HACD1: variants seen among roughly 807,000 people sequenced by gnomAD.
The protein encoded by HACD1 is 3-hydroxyacyl-CoA dehydratase 1.
Under a neutral mutation model 32.0 loss-of-function variants are expected in HACD1, and 41 were observed. The observed-to-expected ratio is 1.28, with a 90% CI of 1.00 to 1.66. The LOEUF (loss-of-function observed/expected upper bound fraction) is 1.66. Among genes scored for constraint, HACD1 ranks in the 40% most tolerant of loss-of-function variants. HACD1 has a pLI of 0.00. For missense variants in HACD1, 396 were observed against 380.1 expected, an observed-to-expected ratio of 1.04 and a Z score of -0.35; for synonymous variants, 142 against 139.0, an observed-to-expected ratio of 1.02 and a Z score of -0.15.
In HACD1 at chr10:17,594,242, A is replaced by G; in HGVS notation, c.747T>C (p.Tyr249=). The G allele has an allele frequency of 1.3e-6, 2 of 1,586,874 alleles. No individual in the cohort carries two copies. The highest frequency in any genetic ancestry group is 2.3e-5 in the South Asian group (2 of 86,602). Residue 249 remains tyrosine, a synonymous_variant, in exon 6 of 7, where the codon TAT becomes TAC. Coordinates refer to ENST00000361271, the MANE Select transcript of HACD1 (RefSeq NM_014241.4). ...PNKYNVSFDY[Y]YFLLITMASY... ...ATGCCATGGTTATAAGAAGAAAATA[A>G]TAGTAGTCAAAAGAGACATTGTATT...
At chr10:17,610,958 C>G (rs1273611037) in intron 1 of HACD1, among the ~76,000 whole-genome samples, 1 of 151,604 alleles carries the variant, frequency 6.6e-6, no homozygotes, top group African/African-American at 2.4e-5. Context: ...CCCAAGCTAC[C>G]TGTCCGCCTT....
chr10:17,613,108 G>C (rs1217174772), intron 1 of HACD1, among the ~76,000 whole-genome samples: 1 of 113,820 alleles, frequency 8.8e-6, no homozygotes, highest in Non-Finnish European at 1.8e-5. Context: ...GTGTGTGTGT[G>C]TGTGTGTGTG....
At position 17,603,611 on chromosome 10, in the gene HACD1, T is replaced by G; in HGVS notation, c.432A>C (p.Gln144His). 1 of 1,613,762 alleles carries G rather than the reference T, an allele frequency of 6.2e-7. No individual in the cohort carries two copies. Among genetic ancestry groups the G allele is most frequent in the Non-Finnish European group, 8.5e-7 (1 of 1,179,732 alleles). ...VPTSVIVTGV[Q>H]VSSRIFMVWL... ...ACACCATAAAGATTCTTGAACTCACTTGGACCCCAGTCACAATCACAGAAG... is the reference window on the plus strand; with the variant it reads ...ACACCATAAAGATTCTTGAACTCACGTGGACCCCAGTCACAATCACAGAAG... Residue 144 changes from glutamine (Q) to histidine (H), a missense_variant, in exon 4 of 7, where the codon CAA becomes CAC. Transcript: ENST00000361271.
intron 1 of HACD1, among the ~76,000 whole-genome samples, chr10:17,610,675 A>G (rs1834220738): frequency 6.6e-6 from 1 of 152,154 alleles, no homozygotes; most frequent in Non-Finnish European, 1.5e-5. Flanking sequence ...CACTAGGAAT[A>G]AAAATGAACA....
intron 6 of HACD1, among the ~76,000 whole-genome samples, chr10:17,593,570 C>T (rs1171630220): frequency 6.6e-6 from 1 of 152,216 alleles, no homozygotes; most frequent in Non-Finnish European, 1.5e-5. Flanking sequence ...CTGCCTCGGC[C>T]TCCCAAAGTG....
Position 17,616,827 on chromosome 10 carries a change from T to G in HACD1, c.257+256A>C, listed in dbSNP as rs1262014730. 1.3e-5 allele frequency among the ~76,000 whole-genome samples: 2 copies of G among 152,086 alleles called. 1 individual carries two copies. The highest frequency in any genetic ancestry group is 3.9e-4 in the East Asian group (2 of 5,138). On this transcript the variant is annotated intron_variant, in intron 1 of 6. Coordinates refer to ENST00000361271, the MANE Select transcript of HACD1 (RefSeq NM_014241.4). Reference sequence around the variant, plus strand: ...ACCTCCCCCGCGGGCCGGCACCGCATTCCTGCCCGGTTCTATACTTAACCT... The same window carrying G: ...ACCTCCCCCGCGGGCCGGCACCGCAGTCCTGCCCGGTTCTATACTTAACCT...
At chr10:17,611,001 T>C (rs1834226958) in intron 1 of HACD1, among the ~76,000 whole-genome samples, 2 of 33,010 alleles carry the variant, frequency 6.1e-5, no homozygotes, top group African/African-American at 3.3e-4. Flanking sequence ...GTCCTCTTCT[T>C]TTTTTTTTTT....
intron 1 of HACD1, among the ~76,000 whole-genome samples, chr10:17,609,344 G>C (rs1259063861): frequency 2.0e-5 from 3 of 151,794 alleles, no homozygotes; most frequent in African/African-American, 2.4e-5. Flanking sequence ...TAATAGAAAT[G>C]GGGTTTCACC....
chr10:17,589,268 TATC>T lies in HACD1; in HGVS notation c.*1093_*1095del, dbSNP rs553481057. ...GCATGATCATCTTCCTCATCATCGT[TATC>T]ATCATCATCATCATCATCACTATTT... On this transcript the variant is annotated 3_prime_UTR_variant, in exon 7 of 7. Transcript: ENST00000361271. The T allele has an allele frequency of 1.9e-4, 29 of 152,324 alleles. No individual in the cohort carries two copies. The highest frequency in any genetic ancestry group is 3.4e-4 in the African/African-American group (14 of 41,496). The allele number at this position is 152,324 out of a possible 1,614,324, so 9.4% of individuals were successfully genotyped here.
rs1037124438 is a variant in HACD1 at position 17,604,136 on chromosome 10, G to A, written c.258-89C>T. On this transcript the variant is annotated intron_variant, in intron 1 of 6. Coordinates refer to ENST00000361271, the MANE Select transcript of HACD1 (RefSeq NM_014241.4). ...GTTTACAGCAGCGTTATTCAAAATA[G>A]TGAAAAGGTAAAAGCAACCCAGGTG... The A allele has an allele frequency of 4.9e-6, 5 of 1,015,640 alleles. No homozygotes were observed. The African/African-American group carries it at 8.1e-5, about 16-fold the overall frequency. The allele number at this position is 1,015,640 out of a possible 1,614,324, so 62.9% of individuals were successfully genotyped here.
At chr10:17,590,494 T>A (rs1554815488) in intron 6 of HACD1, 48 bp from the exon 7 acceptor site, 1 of 1,382,824 alleles carries the variant, frequency 7.2e-7, no homozygotes, top group Non-Finnish European at 1.0e-6. Flanking sequence ...GCTTTAAAAT[T>A]ATTTATACTT....
intron 1 of HACD1, among the ~76,000 whole-genome samples, chr10:17,612,691 C>T (rs573589278): frequency 2.0e-5 from 3 of 152,056 alleles, no homozygotes; most frequent in Non-Finnish European, 2.9e-5. Context: ...GAGGGCGAGG[C>T]GGGCGGATCA....
At chr10:17,593,647 C>T (rs1363561712) in intron 6 of HACD1, among the ~76,000 whole-genome samples, 1 of 152,156 alleles carries the variant, frequency 6.6e-6, no homozygotes, top group African/African-American at 2.4e-5. Flanking sequence ...GGAGTAAAGC[C>T]TTACCAATTC....
intron 1 of HACD1, among the ~76,000 whole-genome samples, chr10:17,615,211 T>C (rs533697923): frequency 2.0e-5 from 3 of 152,366 alleles, no homozygotes; most frequent in East Asian, 3.9e-4. Context: ...AAAGATGAAG[T>C]AGCAGGACAG....
At chr10:17,590,532 A>G in intron 6 of HACD1, 86 bp from the exon 7 acceptor site, 2 of 965,540 alleles carry the variant, frequency 2.1e-6, no homozygotes, top group Non-Finnish European at 3.1e-6. Context: ...GCAATGTTAG[A>G]GAGTAAATAC....
chr10:17,609,091 A>G (rs1436722690), intron 1 of HACD1, among the ~76,000 whole-genome samples: 1 of 152,112 alleles, frequency 6.6e-6, no homozygotes, highest in African/African-American at 2.4e-5. Context: ...GATTGTATAA[A>G]GAACTTTCAA....
chr10:17,610,633 A>C (rs1244591280), intron 1 of HACD1, among the ~76,000 whole-genome samples: 2 of 104,570 alleles, frequency 1.9e-5, no homozygotes, highest in Non-Finnish European at 3.9e-5. Flanking sequence ...ACTCTGTCTC[A>C]AAAAAAAAAA....
intron 1 of HACD1, among the ~76,000 whole-genome samples, 187 bp downstream of exon 1, chr10:17,616,896 G>A (rs1260703675): frequency 6.6e-6 from 1 of 152,024 alleles, no homozygotes; most frequent in Non-Finnish European, 1.5e-5. Context: ...AATGCCAGGC[G>A]CGCAGGGCCC....
intron 1 of HACD1, among the ~76,000 whole-genome samples, chr10:17,607,769 C>T (rs1320187694): frequency 6.6e-6 from 1 of 152,114 alleles, no homozygotes; most frequent in African/African-American, 2.4e-5. Flanking sequence ...TTGACAGGCT[C>T]AGGGATTTGA....
Sources: allele counts gnomAD v4.1 joint callset (sites outside exome capture counted in the v4.1 genomes callset), GRCh38; gene constraint gnomAD v4.1.1; transcripts MANE v1.5; gene names NCBI Gene and HGNC (gene_info 2026-07-23, HGNC 2026-07-21).